The following TNIK variants were observed in gnomAD, a reference collection of about 807,000 sequenced individuals.
The protein encoded by TNIK is TRAF2 and NCK interacting kinase, also known as TRAF2 and NCK-interacting protein kinase.
In TNIK, 49 loss-of-function variants were observed where a neutral mutation model predicts 191.3. The ratio of observed to expected loss-of-function variants is 0.26; its 90% CI spans 0.20 to 0.32. TNIK has a LOEUF of 0.32. Among genes scored for constraint, TNIK ranks in the 10% least tolerant of loss-of-function variants. TNIK has a pLI of 1.00. For synonymous variants in TNIK, 594 were observed against 600.9 expected, an observed-to-expected ratio of 0.99 and a Z score of 0.17; for missense variants, 1,155 against 1,702.3, an observed-to-expected ratio of 0.68 and a Z score of 5.66.
At chr3:171,157,696 C>A (rs1269841063) in intron 11 of TNIK, 32 bp from the exon 12 acceptor site, 1 of 1,550,048 alleles carries the variant, frequency 6.5e-7, no homozygotes, top group Non-Finnish European at 8.7e-7. Context: ...CAGGATCCCA[C>A]GTGGGGCAGG....
intron 29 of TNIK, among the ~76,000 whole-genome samples, chr3:171,070,300 G>A (rs1421982111): frequency 6.6e-6 from 1 of 152,190 alleles, no homozygotes; most frequent in Non-Finnish European, 1.5e-5. Context: ...CAGCTCTGAA[G>A]TGGGCCTACA....
At chr3:171,079,080 C>A (rs1162407478) in intron 28 of TNIK, among the ~76,000 whole-genome samples, 1 of 152,174 alleles carries the variant, frequency 6.6e-6, no homozygotes, top group African/African-American at 2.4e-5. Flanking sequence ...AGTTCCTGGG[C>A]CTTTCCAGGT....
At chr3:171,105,387 AGTG>A (rs1277573509) in intron 21 of TNIK, among the ~76,000 whole-genome samples, 1 of 152,190 alleles carries the variant, frequency 6.6e-6, no homozygotes, top group Non-Finnish European at 1.5e-5. Flanking sequence ...GCTACTCTGA[AGTG>A]GTGACAACCA....
intron 1 of TNIK, among the ~76,000 whole-genome samples, chr3:171,402,873 C>T (rs1721131298): frequency 6.6e-6 from 1 of 152,180 alleles, no homozygotes; most frequent in African/African-American, 2.4e-5. Context: ...TGCATAATCA[C>T]TCATCTAACA....
chr3:171,364,352 C>A (rs1165287536), intron 2 of TNIK, among the ~76,000 whole-genome samples: 1 of 151,346 alleles, frequency 6.6e-6, no homozygotes, highest in Non-Finnish European at 1.5e-5. Flanking sequence ...GATCCACATC[C>A]CCATCCCATT....
chr3:171,343,047 C>T (rs1007233215), intron 2 of TNIK, among the ~76,000 whole-genome samples: 5 of 152,144 alleles, frequency 3.3e-5, no homozygotes, highest in East Asian at 1.9e-4. Context: ...AAGTGTGAGT[C>T]GATTAAACCT....
At chr3:171,305,334 C>T (rs1334888655) in intron 2 of TNIK, among the ~76,000 whole-genome samples, 1 of 152,012 alleles carries the variant, frequency 6.6e-6, no homozygotes, top group Admixed American at 6.6e-5. Flanking sequence ...GGGCCAAAAG[C>T]AATTGCAACA....
At chr3:171,331,001 C>T (rs1020639719) in intron 2 of TNIK, among the ~76,000 whole-genome samples, 3 of 152,136 alleles carry the variant, frequency 2.0e-5, no homozygotes, top group African/African-American at 7.2e-5. Flanking sequence ...TATAGAGGTG[C>T]CCATTTCGCT....
At chr3:171,202,271 T>C (rs2108875172) in intron 4 of TNIK, among the ~76,000 whole-genome samples, 1 of 152,226 alleles carries the variant, frequency 6.6e-6, no homozygotes, top group African/African-American at 2.4e-5. Flanking sequence ...GATCCAATCA[T>C]AGAAGCTAAC....
chr3:171,246,701 A>AG (rs1232593841), intron 2 of TNIK, among the ~76,000 whole-genome samples: 5 of 152,212 alleles, frequency 3.3e-5, no homozygotes, highest in Admixed American at 2.0e-4. Context: ...TTCTAGCACT[A>AG]GTTTTTCCCT....
rs1350624060 is a variant in TNIK at position 171,159,033 on chromosome 3, G to T, written c.1017-1369C>A. ...GTCAGAGAGATAGGTGCGGGGCCGC[G>T]ACAGCCATGCAGGCACGGGAAGGTT... On this transcript the variant is annotated intron_variant, in intron 11 of 32. Coordinates refer to ENST00000436636, the MANE Select transcript of TNIK (RefSeq NM_015028.4). This position sits in a 1 kb window ranked among gnomAD's most constrained non-coding sequence, Gnocchi z 4.1. 6.6e-6 allele frequency among the ~76,000 whole-genome samples: 1 copy of T among 152,164 alleles called. No individual in the cohort carries two copies. The highest frequency in any genetic ancestry group is 2.4e-5 in the African/African-American group (1 of 41,424).
At chr3:171,112,822 A>C (rs1726049127) in intron 18 of TNIK, among the ~76,000 whole-genome samples, 1 of 152,180 alleles carries the variant, frequency 6.6e-6, no homozygotes. Context: ...TAGATGAGTT[A>C]CTTGACCATT....
intron 16 of TNIK, among the ~76,000 whole-genome samples, chr3:171,127,915 C>T (rs1042804428): frequency 1.3e-5 from 2 of 152,234 alleles, no homozygotes; most frequent in African/African-American, 2.4e-5. Flanking sequence ...AAATTTAAGA[C>T]ATTTGGCAGA....
rs369434719 is a variant in TNIK, at chr3:171,211,103, C to T, written c.306+13G>A. On this transcript the variant is annotated intron_variant, in intron 4 of 32. Coordinates refer to ENST00000436636, the MANE Select transcript of TNIK (RefSeq NM_015028.4). ...TTTATGTAAATAAAGCAAATTTGGA[C>T]GGCAGTACATACCCAAAGTTGGTCA... The T allele has an allele frequency of 1.1e-4, 185 of 1,609,814 alleles. No individual in the cohort carries two copies. The highest frequency in any genetic ancestry group is 3.4e-4 in the Middle Eastern group (2 of 5,860).
At chr3:171,178,448 C>T (rs1295708529) in intron 7 of TNIK, among the ~76,000 whole-genome samples, 1 of 152,036 alleles carries the variant, frequency 6.6e-6, no homozygotes, top group Non-Finnish European at 1.5e-5. Flanking sequence ...CAATAGAGGC[C>T]AGTATACCTT....
intron 13 of TNIK, among the ~76,000 whole-genome samples, chr3:171,140,046 CAT>C (rs1032198727): frequency 6.6e-6 from 1 of 152,158 alleles, no homozygotes; most frequent in Admixed American, 6.5e-5. Context: ...GACTCAAAGT[CAT>C]AAAGACCAGA....
At chr3:171,173,967 C>T (rs1370868324) in intron 9 of TNIK, among the ~76,000 whole-genome samples, 4 of 152,102 alleles carry the variant, frequency 2.6e-5, no homozygotes, top group African/African-American at 7.2e-5. Flanking sequence ...TGATGTATGA[C>T]ACCCAATGGG....
At chr3:171,347,783 C>T (rs1366467327) in intron 2 of TNIK, among the ~76,000 whole-genome samples, 4 of 152,108 alleles carry the variant, frequency 2.6e-5, no homozygotes, top group Non-Finnish European at 1.5e-5. Flanking sequence ...GGAAAGCCAT[C>T]CCCCTCTTAA....
Position 171,211,209 on chromosome 3 carries a change from G to A in TNIK, c.213C>T (p.Asn71=). 1 of 1,611,006 alleles carries A rather than the reference G, an allele frequency of 6.2e-7. No individual in the cohort carries two copies. Among genetic ancestry groups the A allele is most frequent in the Non-Finnish European group, 8.5e-7 (1 of 1,178,594 alleles). Residue 71 remains asparagine (N), a synonymous_variant, in exon 4 of 33, where the codon AAC becomes AAT. Transcript: ENST00000436636. ...GGTGATGAGAATATTTCTTCAACAT[G>A]TTAATTTCTTGTTTGATTTCTTCCT... The part of the protein sequence containing the change: ...DEEEEIKQEI[N]MLKKYSHHRN...
Sources: gnomAD v4.1 joint callset for allele counts (sites outside exome capture counted in the v4.1 genomes callset) on GRCh38, gnomAD v4.1.1 for gene constraint, Gnocchi (gnomAD v3.1) non-coding constraint, MANE v1.5 for transcripts, NCBI Gene and HGNC (gene_info 2026-07-23, HGNC 2026-07-21) for gene names.